The following CAST variants were observed in gnomAD, a reference collection of about 807,000 sequenced individuals.
CAST encodes the protein MIR583 host.
Under a neutral mutation model 119.6 loss-of-function variants are expected in CAST, and 76 were observed. The observed-to-expected ratio is 0.64, with a 90% CI of 0.53 to 0.77. The LOEUF is 0.77. Among genes scored for constraint, CAST ranks in the 30% least tolerant of loss-of-function variants. CAST has a pLI of 0.00. For missense variants in CAST, 953 were observed against 946.5 expected (o/e 1.01, Z -0.09); for synonymous variants, 319 against 331.6 (o/e 0.96, Z 0.41).
At chr5:95,971,518 A>G in the CAST span, among the ~76,000 whole-genome samples, 1,290 of 152,290 alleles carry the variant, frequency 8.5e-3, 23 homozygotes, top group African/African-American at 0.03. Flanking sequence ...TTTGGTATAT[A>G]TTTTATATCA....
the CAST span, among the ~76,000 whole-genome samples, chr5:96,211,260 C>T: frequency 1.3e-5 from 2 of 151,896 alleles, no homozygotes; most frequent in African/African-American, 2.4e-5. Context: ...TGAGGGAAAG[C>T]GTTAAATTTT....
At chr5:96,413,033 T>C in the CAST span, 1 of 824,116 alleles carries the variant, frequency 1.2e-6, no homozygotes, top group Non-Finnish European at 1.5e-6. Context: ...ACAGGAAACA[T>C]GTAGCTTCAA....
the CAST span, among the ~76,000 whole-genome samples, chr5:96,004,770 AT>A: frequency 1.3e-5 from 2 of 152,218 alleles, no homozygotes; most frequent in Non-Finnish European, 2.9e-5. Flanking sequence ...TATCAACAAA[AT>A]TTTTGAATAT....
At chr5:96,359,461 T>A in the CAST span, among the ~76,000 whole-genome samples, 1 of 152,242 alleles carries the variant, frequency 6.6e-6, no homozygotes, top group Non-Finnish European at 1.5e-5. Context: ...GTTTTTGCAG[T>A]GGCTGGTACC....
chr5:96,401,914 T>C, the CAST span, among the ~76,000 whole-genome samples: 3 of 152,154 alleles, frequency 2.0e-5, no homozygotes, highest in South Asian at 6.2e-4. Context: ...GCCCCAAATA[T>C]AATTTTAAAA....
intron 22 of CAST, among the ~76,000 whole-genome samples, chr5:96,756,284 A>G (rs17086635): frequency 0.097 from 14,707 of 152,182 alleles, 864 homozygotes; most frequent in African/African-American, 0.15. Flanking sequence ...GTGCTCCCAG[A>G]GTCCCAGGCA....
the CAST span, among the ~76,000 whole-genome samples, chr5:96,127,766 G>T: frequency 1.6e-3 from 239 of 152,076 alleles, 1 homozygote; most frequent in African/African-American, 5.5e-3. Context: ...CTGGCAATTG[G>T]TGCAACTTAC....
chr5:96,114,290 A>G, the CAST span, among the ~76,000 whole-genome samples: 2 of 152,172 alleles, frequency 1.3e-5, no homozygotes, highest in South Asian at 2.1e-4. Flanking sequence ...AGCAATGTCT[A>G]CAACACCTGG....
At chr5:96,754,766 A>G in intron 22 of CAST, 25 bp downstream of exon 22, 2 of 1,326,040 alleles carry the variant, frequency 1.5e-6, no homozygotes, top group Non-Finnish European at 2.2e-6. Flanking sequence ...GTCTTTTTCT[A>G]TTTTATTTTA....
At chr5:96,125,509 T>G in the CAST span, among the ~76,000 whole-genome samples, 1 of 152,090 alleles carries the variant, frequency 6.6e-6, no homozygotes, top group Admixed American at 6.6e-5. Flanking sequence ...GGCTTTGGAG[T>G]TTGCCTGCCT....
At chr5:96,047,506 G>C in the CAST span, among the ~76,000 whole-genome samples, 1 of 152,146 alleles carries the variant, frequency 6.6e-6, no homozygotes, top group Non-Finnish European at 1.5e-5. Context: ...AAAGAAAAAA[G>C]AAGAGTAGAA....
At chr5:96,585,552 G>A (rs1561423228) in intron 1 of CAST, among the ~76,000 whole-genome samples, 1 of 152,138 alleles carries the variant, frequency 6.6e-6, no homozygotes, top group African/African-American at 2.4e-5. Context: ...GGGGTAGGCT[G>A]GGGAGCTAAG....
chr5:96,055,947 C>CA, the CAST span, among the ~76,000 whole-genome samples: 40 of 151,746 alleles, frequency 2.6e-4, no homozygotes, highest in African/African-American at 8.2e-4. Context: ...CACATCTTTA[C>CA]AAAAAAAACC....
At chr5:96,515,244 G>T in the CAST span, among the ~76,000 whole-genome samples, 1 of 151,876 alleles carries the variant, frequency 6.6e-6, no homozygotes, top group African/African-American at 2.4e-5. Flanking sequence ...TAGCTAATTA[G>T]ACATAAGTTG....
At chr5:96,233,928 T>G in the CAST span, among the ~76,000 whole-genome samples, 1 of 151,544 alleles carries the variant, frequency 6.6e-6, no homozygotes, top group Non-Finnish European at 1.5e-5. Context: ...TAGATAAGAT[T>G]TTTTGTTCTT....
At chr5:96,259,926 C>G in the CAST span, among the ~76,000 whole-genome samples, 1 of 147,098 alleles carries the variant, frequency 6.8e-6, no homozygotes, top group Non-Finnish European at 1.5e-5. Context: ...ATCTTTTGGT[C>G]TTAATGACTG....
At chr5:96,632,993 C>T (rs979441659) in intron 1 of CAST, among the ~76,000 whole-genome samples, 5 of 152,094 alleles carry the variant, frequency 3.3e-5, no homozygotes, top group African/African-American at 1.2e-4. Flanking sequence ...GTTTTTGAGA[C>T]AGAATTTTGC....
chr5:96,549,738 C>G (rs1746090268), intron 1 of CAST, among the ~76,000 whole-genome samples: 1 of 152,258 alleles, frequency 6.6e-6, no homozygotes, highest in Admixed American at 6.5e-5. Context: ...CCAGGATATC[C>G]CCTTCTGTGC....
At chr5:96,740,631 A>G in intron 12 of CAST, 114 bp from the exon 13 acceptor site, 2 of 749,986 alleles carry the variant, frequency 2.7e-6, no homozygotes, top group South Asian at 3.1e-5. Flanking sequence ...TTAAGACTTG[A>G]ACATATAGAT....
Sources: allele counts gnomAD v4.1 joint callset (sites outside exome capture counted in the v4.1 genomes callset), GRCh38; gene constraint gnomAD v4.1.1; transcripts MANE v1.5; gene names NCBI Gene and HGNC (gene_info 2026-07-23, HGNC 2026-07-21).